Variants in CDC5L observed in about 807,000 individuals in gnomAD.
CDC5L encodes the protein cell division cycle 5 like.
A neutral mutation model predicts 104.1 loss-of-function variants in CDC5L; 18 were observed. The observed-to-expected ratio is 0.17, with a 90% CI of 0.12 to 0.26. The LOEUF (loss-of-function observed/expected upper bound fraction) is 0.26. CDC5L is among the 10% of genes least tolerant of loss of function. The probability of loss-of-function intolerance (pLI) is 1.00; values close to 1 mark genes in which losing one functional copy is unlikely to be tolerated. For synonymous variants in CDC5L, 331 were observed against 322.7 expected, an observed-to-expected ratio of 1.03 and a Z score of -0.28; for missense variants, 673 against 956.9, an observed-to-expected ratio of 0.70 and a Z score of 3.91.
Position 44,403,876 on chromosome 6 carries a change from A to G in CDC5L, c.607A>G (p.Lys203Glu). The G allele has an allele frequency of 1.2e-6, 2 of 1,613,616 alleles. No individual in the cohort carries two copies. The highest frequency in any genetic ancestry group is 1.7e-6 in the Non-Finnish European group (2 of 1,179,890). The change falls in exon 6 of 16, where the codon AAA becomes GAA. Residue 203 changes from lysine (K) to glutamate (E), a missense_variant. This residue lies in a region of CDC5L where 578 missense variants were observed against 737.0 expected (regional missense o/e 0.78). Coordinates refer to ENST00000371477, the MANE Select transcript of CDC5L (RefSeq NM_001253.4). ...AAGIEIQKKR[K>E]RKRGVDYNAE... ...TGGCATAGAAATTCAGAAGAAAAGA[A>G]AAAGGAAGAGAGGAGTTGATTATAA...
At chr6:44,428,313 GT>G (rs552204230) in intron 13 of CDC5L, among the ~76,000 whole-genome samples, 109 of 151,708 alleles carry the variant, frequency 7.2e-4, no homozygotes, top group Admixed American at 1.6e-3. Context: ...CGTTTCTTTT[GT>G]TAAAATTTTT....
chr6:44,411,644 G>GTGTGTGTGTGTGTC (rs1791645138), intron 8 of CDC5L, among the ~76,000 whole-genome samples: 2 of 151,078 alleles, frequency 1.3e-5, no homozygotes, highest in African/African-American at 4.9e-5. Flanking sequence ...GAGAGTGTGT[G>GTGTGTGTGTGTGTC]TGTGTGTGTG....
rs1341240964 is a variant in CDC5L at position 44,387,828 on chromosome 6, C to G, written c.5C>G (p.Pro2Arg). 1 of 1,566,852 alleles carries G rather than the reference C, an allele frequency of 6.4e-7. No homozygotes were observed. Among genetic ancestry groups the G allele is most frequent in the Non-Finnish European group, 8.7e-7 (1 of 1,154,700 alleles). M[P>R]RIMIKGGVWR... ...CCGAGACACCCTGCCGCCAAGATGC[C>G]TCGAATTATGATCAAGGGGGGCGTA... is the stretch of plus-strand genomic sequence containing the variant. Residue 2 changes from proline to arginine, a missense_variant, in exon 1 of 16, where the codon CCT becomes CGT. Pro to Arg is a moderately radical substitution (Grantham distance 103). Coordinates refer to ENST00000371477, the MANE Select transcript of CDC5L (RefSeq NM_001253.4).
rs536765287 is a variant in CDC5L, at chr6:44,408,520, C to G, written c.980C>G (p.Ser327Cys). 1 of 1,613,830 alleles carries G rather than the reference C, an allele frequency of 6.2e-7. No homozygotes were observed. Among genetic ancestry groups the G allele is most frequent in the Non-Finnish European group, 8.5e-7 (1 of 1,179,690 alleles). Residue 327 changes from serine to cysteine, a missense_variant, in exon 8 of 16, where the codon TCT becomes TGT. Coordinates refer to ENST00000371477, the MANE Select transcript of CDC5L (RefSeq NM_001253.4). ...SEIARQTAEE[S>C]GITNSASSTL... is the part of the protein sequence containing the mutation. Reference sequence around the variant, plus strand: ...ATTGCACGTCAAACTGCCGAGGAATCTGGCATAACAAATTCTGCTTCCAGT... The same window carrying G: ...ATTGCACGTCAAACTGCCGAGGAATGTGGCATAACAAATTCTGCTTCCAGT...
chr6:44,402,103 C>T lies in CDC5L; in HGVS notation c.540-1706C>T, dbSNP rs375321532. ...AAGTCTTTGCTATTGTGAATAGTGC[C>T]GCAGTAAACATACGTGTGCATGTGT... is the stretch of plus-strand genomic sequence containing the variant. On this transcript the variant is annotated intron_variant, in intron 5 of 15. Coordinates refer to ENST00000371477, the MANE Select transcript of CDC5L (RefSeq NM_001253.4). Among the ~76,000 whole-genome samples, 36 of 137,672 alleles carry T rather than the reference C, an allele frequency of 2.6e-4. No homozygotes were observed. In the East Asian group the frequency reaches 3.8e-3, roughly 15 times the overall value. The allele number at this position is 137,672 out of a possible 152,430, so 90.3% of individuals were successfully genotyped here. A position where few individuals can be genotyped will look rare whatever the true frequency, so the allele number is the denominator to read the frequency against.
intron 14 of CDC5L, among the ~76,000 whole-genome samples, chr6:44,431,674 C>T (rs1235230391): frequency 1.3e-5 from 2 of 151,976 alleles, no homozygotes; most frequent in Non-Finnish European, 2.9e-5. Flanking sequence ...TTCATGACAG[C>T]AAATAAATGT....
At chr6:44,421,001 C>T (rs377532014) in intron 9 of CDC5L, among the ~76,000 whole-genome samples, 20 of 152,198 alleles carry the variant, frequency 1.3e-4, no homozygotes, top group African/African-American at 4.6e-4. Flanking sequence ...TCATAGCACA[C>T]ATATCCCACA....
Position 44,387,745 on chromosome 6 carries a change from T to A in CDC5L, c.-79T>A. ...GTCGCGCTTGGAGGAAGTGGCGGCT[T>A]TGAGTCCGGTGGCCCAATCGCTGTT... is the stretch of plus-strand genomic sequence containing the variant. On this transcript the variant is annotated 5_prime_UTR_variant, in exon 1 of 16. It adds an upstream start codon to the 5' untranslated region. Transcript: ENST00000371477. 7.6e-7 allele frequency: 1 copy of A among 1,308,440 alleles called. No homozygotes were observed. Among genetic ancestry groups the A allele is most frequent in the Non-Finnish European group, 1.1e-6 (1 of 928,832 alleles). 81.1% of individuals were successfully genotyped at this position (1,308,440 alleles called of 1,614,324 possible). A position where few individuals can be genotyped will look rare whatever the true frequency, so the allele number is the denominator to read the frequency against.
chr6:44,404,235 C>T (rs78924034), intron 6 of CDC5L, among the ~76,000 whole-genome samples: 51 of 152,114 alleles, frequency 3.4e-4, no homozygotes, highest in African/African-American at 1.1e-3. Flanking sequence ...GCCTTGACCT[C>T]CTGGGCTCAA....
chr6:44,393,691 G>A lies in CDC5L; in HGVS notation c.439+118G>A, dbSNP rs1790726220. On this transcript the variant is annotated intron_variant, in intron 4 of 15. Transcript: ENST00000371477. ...GAATCCCTTTTTTTTTTGAGACAAG[G>A]TCTTGCTCTGTTACCCAGGCTGGAA... 8.9e-6 allele frequency: 9 copies of A among 1,007,636 alleles called. 1 individual carries two copies. In the Admixed American group the frequency reaches 1.1e-4, roughly 12 times the overall value. The allele number at this position is 1,007,636 out of a possible 1,614,324, so 62.4% of individuals were successfully genotyped here. A position where few individuals can be genotyped will look rare whatever the true frequency, so the allele number is the denominator to read the frequency against.
intron 5 of CDC5L, among the ~76,000 whole-genome samples, chr6:44,400,515 G>A (rs1791072280): frequency 6.6e-6 from 1 of 152,186 alleles, no homozygotes; most frequent in South Asian, 2.1e-4. Flanking sequence ...AGCCTCCAGA[G>A]TAGCTGGGAT....
intron 8 of CDC5L, among the ~76,000 whole-genome samples, chr6:44,416,777 A>G (rs1791926346): frequency 6.6e-6 from 1 of 152,136 alleles, no homozygotes. Context: ...CCTATTTGTA[A>G]TTTTGGCACA....
At chr6:44,403,573 G>A (rs1032305419) in intron 5 of CDC5L, among the ~76,000 whole-genome samples, 26 of 152,042 alleles carry the variant, frequency 1.7e-4, no homozygotes, top group Admixed American at 1.6e-3. Flanking sequence ...TCCATCCAGA[G>A]ATAAGATATG....
rs551562880 is a variant in CDC5L, at chr6:44,420,550, G to T, written c.1241+953G>T. On this transcript the variant is annotated intron_variant, in intron 9 of 15. Coordinates refer to ENST00000371477, the MANE Select transcript of CDC5L (RefSeq NM_001253.4). ...ATTTTGTATTTTTAGTAGAGACAGG[G>T]TTTCTCAGTGATGGTCAGGCTGGTC... 7.9e-5 allele frequency among the ~76,000 whole-genome samples: 12 copies of T among 151,900 alleles called. No homozygotes were observed. The South Asian group carries it at 1.5e-3, about 18-fold the overall frequency.
At chr6:44,423,960 C>T (rs918235911) in intron 10 of CDC5L, among the ~76,000 whole-genome samples, 6 of 152,010 alleles carry the variant, frequency 3.9e-5, no homozygotes, top group African/African-American at 1.4e-4. Context: ...GTTGGAATAT[C>T]CCAGAGTATC....
chr6:44,387,944 G>GGA (rs1790407648), intron 1 of CDC5L, 76 bp downstream of exon 1: 9 of 1,417,762 alleles, frequency 6.3e-6, no homozygotes, highest in Non-Finnish European at 8.7e-6. Flanking sequence ...GGAGGTCGGG[G>GGA]GGGCGACGAG....
At position 44,421,054 on chromosome 6, in the gene CDC5L, G is replaced by T. The variant is rs1376998735; in HGVS notation, c.1241+1457G>T. 2.0e-5 allele frequency among the ~76,000 whole-genome samples: 3 copies of T among 152,110 alleles called. No homozygotes were observed. The East Asian group carries it at 5.8e-4, about 29-fold the overall frequency. On this transcript the variant is annotated intron_variant, in intron 9 of 15. Coordinates refer to ENST00000371477, the MANE Select transcript of CDC5L (RefSeq NM_001253.4). The stretch of plus-strand genomic sequence containing the variant: ...TCCCGAATAAACTCTTTGTTTTGGA[G>T]ACCCGGTCTCTCACCCATTTAAGTT...
intron 8 of CDC5L, among the ~76,000 whole-genome samples, chr6:44,417,257 T>C (rs1161774910): frequency 6.6e-6 from 1 of 152,054 alleles, no homozygotes; most frequent in African/African-American, 2.4e-5. Flanking sequence ...GTGGGGTGGG[T>C]CCTCAGCTGG....
intron 8 of CDC5L, among the ~76,000 whole-genome samples, chr6:44,413,632 G>A (rs1289692777): frequency 1.3e-5 from 2 of 152,168 alleles, no homozygotes; most frequent in Non-Finnish European, 2.9e-5. Context: ...TGCCCAGGCT[G>A]GAGTGCAGTG....
Sources: allele counts gnomAD v4.1 joint callset (sites outside exome capture counted in the v4.1 genomes callset), GRCh38; gene constraint gnomAD v4.1.1; regional missense constraint gnomAD v4.1.1; transcripts MANE v1.5; gene names NCBI Gene and HGNC (gene_info 2026-07-23, HGNC 2026-07-21).